Variants in SEPTIN10 observed in about 807,000 individuals in gnomAD.
SEPTIN10 encodes the protein septin 10, also known as septin-10.
SEPTIN10 carries 66 observed loss-of-function variants against 54.8 expected under a neutral mutation model. That is an observed-to-expected ratio of 1.21 (90% CI 0.99 to 1.48). The LOEUF (loss-of-function observed/expected upper bound fraction) is 1.48, where lower values mean the gene tolerates loss of function less well. SEPTIN10 is among the 40% of genes most tolerant of loss of function. The pLI, the probability that SEPTIN10 is intolerant of heterozygous loss-of-function variation, is 0.00. For synonymous variants in SEPTIN10, 161 were observed against 181.0 expected (o/e 0.89, Z 0.89); for missense variants, 620 against 545.6 (o/e 1.14, Z -1.36).
chr2:109,582,571 T>C (rs894552922), intron 4 of SEPTIN10, among the ~76,000 whole-genome samples: 1 of 152,190 alleles, frequency 6.6e-6, no homozygotes, highest in African/African-American at 2.4e-5. Context: ...TCCTCTCTCC[T>C]TGACCTCCCA....
At chr2:109,577,916 A>C (rs928768579) in intron 4 of SEPTIN10, among the ~76,000 whole-genome samples, 6 of 147,772 alleles carry the variant, frequency 4.1e-5, no homozygotes, top group African/African-American at 1.5e-4. Context: ...TTGTCTCAAA[A>C]AAAAAAAAAA....
intron 9 of SEPTIN10, among the ~76,000 whole-genome samples, chr2:109,549,847 G>A (rs1224444184): frequency 6.6e-6 from 1 of 152,174 alleles, no homozygotes; most frequent in Non-Finnish European, 1.5e-5. Context: ...AAAGTTGTGT[G>A]AATGTGGTCT....
At chr2:109,549,013 T>C (rs1682127174) in intron 9 of SEPTIN10, among the ~76,000 whole-genome samples, 1 of 152,200 alleles carries the variant, frequency 6.6e-6, no homozygotes, top group African/African-American at 2.4e-5. Flanking sequence ...GATGCTTTTA[T>C]TCCAGAGGAT....
chr2:109,613,055 T>A, intron 1 of SEPTIN10: 1 of 557,800 alleles, frequency 1.8e-6, no homozygotes, highest in Non-Finnish European at 3.1e-6. Context: ...AGGGAGAATT[T>A]GTTTTTAAGA....
intron 1 of SEPTIN10, among the ~76,000 whole-genome samples, chr2:109,606,775 G>T (rs1018253791): frequency 2.1e-5 from 3 of 140,594 alleles, no homozygotes; most frequent in African/African-American, 8.0e-5. Context: ...CGTCTCGCAG[G>T]TTCAAGCGAT....
In SEPTIN10 at chr2:109,613,959, G is replaced by A. The variant is rs940501783; in HGVS notation, c.-132C>T. On this transcript the variant is annotated 5_prime_UTR_variant, in exon 1 of 11. Coordinates refer to ENST00000397712, the MANE Select transcript of SEPTIN10 (RefSeq NM_144710.5). ...GCGAGGCTAGGCTGCCTCCGCGACG[G>A]GGAAGGGACAGGGGCGGGGCCGAGC... The A allele has an allele frequency of 2.5e-6, 3 of 1,209,800 alleles. No individual in the cohort carries two copies. The highest frequency in any genetic ancestry group is 1.0e-6 in the Non-Finnish European group (1 of 973,838). The allele number at this position is 1,209,800 out of a possible 1,614,324, so 74.9% of individuals were successfully genotyped here.
chr2:109,548,115 C>T (rs556373129), intron 9 of SEPTIN10, among the ~76,000 whole-genome samples: 2 of 148,016 alleles, frequency 1.4e-5, no homozygotes, highest in African/African-American at 4.9e-5. Flanking sequence ...GTTCTGCATG[C>T]AGTTCAGAGA....
At chr2:109,591,579 G>T (rs574247228) in intron 2 of SEPTIN10, among the ~76,000 whole-genome samples, 50 of 152,286 alleles carry the variant, frequency 3.3e-4, no homozygotes, top group African/African-American at 1.2e-3. Context: ...TTGGAGCACA[G>T]AACTAAAGGA....
chr2:109,572,529 G>A (rs562422941), intron 5 of SEPTIN10, among the ~76,000 whole-genome samples: 197 of 151,786 alleles, frequency 1.3e-3, no homozygotes, highest in African/African-American at 4.6e-3. Context: ...AGGCAGTTCA[G>A]CATGACAGCC....
At chr2:109,600,434 A>G (rs1401472641) in intron 1 of SEPTIN10, among the ~76,000 whole-genome samples, 1 of 152,022 alleles carries the variant, frequency 6.6e-6, no homozygotes, top group Non-Finnish European at 1.5e-5. Flanking sequence ...CAATATCTTC[A>G]TGATAAATTC....
intron 1 of SEPTIN10, among the ~76,000 whole-genome samples, chr2:109,609,128 T>C (rs1253671713): frequency 6.6e-6 from 1 of 152,252 alleles, no homozygotes; most frequent in African/African-American, 2.4e-5. Context: ...CTGAAAAGTA[T>C]GACACTATCA....
At position 109,611,753 on chromosome 2, in the gene SEPTIN10, C is replaced by T. The variant is rs35550721; in HGVS notation, c.30+2045G>A. 6.6e-5 allele frequency among the ~76,000 whole-genome samples: 10 copies of T among 152,098 alleles called. No homozygotes were observed. The East Asian group carries it at 1.4e-3, about 21-fold the overall frequency. On this transcript the variant is annotated intron_variant, in intron 1 of 10. Coordinates refer to ENST00000397712, the MANE Select transcript of SEPTIN10 (RefSeq NM_144710.5). ...CTGCACTCTAGCCTGGGTGACAATA[C>T]GAGAAATCCAAGTTAAAATCACCAT...
At chr2:109,586,805 C>T (rs147497384) in intron 2 of SEPTIN10, among the ~76,000 whole-genome samples, 5 of 152,234 alleles carry the variant, frequency 3.3e-5, no homozygotes, top group East Asian at 1.9e-4. Flanking sequence ...GAGTAAGGTC[C>T]ATAACTCAGC....
chr2:109,568,189 T>G (rs1172181911), intron 5 of SEPTIN10, among the ~76,000 whole-genome samples: 1 of 152,038 alleles, frequency 6.6e-6, no homozygotes, highest in African/African-American at 2.4e-5. Context: ...CTGTCTACAG[T>G]TGCGTTCACA....
chr2:109,550,472 C>G (rs537442425), intron 9 of SEPTIN10, among the ~76,000 whole-genome samples: 1 of 151,708 alleles, frequency 6.6e-6, no homozygotes, highest in East Asian at 2.0e-4. Flanking sequence ...TGCCACCATG[C>G]CTGGCTAATT....
chr2:109,595,900 T>C (rs1473123853), intron 1 of SEPTIN10, among the ~76,000 whole-genome samples: 1 of 152,218 alleles, frequency 6.6e-6, no homozygotes, highest in Non-Finnish European at 1.5e-5. Context: ...ATTCCATGCT[T>C]GTCGTTAATT....
At chr2:109,594,278 A>T (rs1694782029) in intron 1 of SEPTIN10, among the ~76,000 whole-genome samples, 1 of 152,202 alleles carries the variant, frequency 6.6e-6, no homozygotes, top group African/African-American at 2.4e-5. Flanking sequence ...TGGTAAAAAA[A>T]AAATTGCAAA....
Position 109,574,770 on chromosome 2 carries a change from G to A in SEPTIN10, c.414-3C>T. The A allele has an allele frequency of 6.4e-7, 1 of 1,560,062 alleles. No individual in the cohort carries two copies. Among genetic ancestry groups the A allele is most frequent in the African/African-American group, 1.4e-5 (1 of 72,468 alleles). On this transcript the variant is annotated splice_region_variant and splice_polypyrimidine_tract_variant and intron_variant, in intron 4 of 10. Transcript: ENST00000397712. ...TGTAGTCAACTATTGGTTGGTAGCTGAAAAATTATTTAAATGTTTAATACA... is the reference window on the plus strand; with the variant it reads ...TGTAGTCAACTATTGGTTGGTAGCTAAAAAATTATTTAAATGTTTAATACA...
Position 109,591,553 on chromosome 2 carries a change from C to CAAG in SEPTIN10, c.99+1495_99+1497dup, listed in dbSNP as rs796723649. Reference sequence around the variant, plus strand: ...TGATATATGGAGAAAGAGGGAAAAACAAGAGACTACAGTTATTGGAGCACA... The same window carrying CAAG: ...TGATATATGGAGAAAGAGGGAAAAACAAGAAGAGACTACAGTTATTGGAGCACA... On this transcript the variant is annotated intron_variant, in intron 2 of 10. Transcript: ENST00000397712. Among the ~76,000 whole-genome samples the CAAG allele has an allele frequency of 3.9e-5, 6 of 152,258 alleles. 1 individual carries two copies. The highest frequency in any genetic ancestry group is 1.4e-4 in the African/African-American group (6 of 41,544).
Sources: allele counts gnomAD v4.1 joint callset (sites outside exome capture counted in the v4.1 genomes callset), GRCh38; gene constraint gnomAD v4.1.1; transcripts MANE v1.5; gene names NCBI Gene and HGNC (gene_info 2026-07-23, HGNC 2026-07-21).